The following NTRK1 variants were observed in gnomAD, a reference collection of about 807,000 sequenced individuals.
NTRK1 encodes the protein neurotrophic receptor tyrosine kinase 1, also known as high affinity nerve growth factor receptor.
A neutral mutation model predicts 86.8 loss-of-function variants in NTRK1; 62 were observed. That is an observed-to-expected ratio of 0.71 (90% confidence interval 0.58 to 0.88). NTRK1 has a LOEUF of 0.88. NTRK1 is among the 40% of genes least tolerant of loss of function. NTRK1 has a pLI of 0.00. For synonymous variants in NTRK1, 469 were observed against 456.6 expected (o/e 1.03, Z -0.35); for missense variants, 967 against 1,078.4 (o/e 0.90, Z 1.45).
rs550883400 is a variant in NTRK1 at position 156,819,421 on chromosome 1, CAT to C, written c.-64+3586_-64+3587del. 2.2e-3 allele frequency among the ~76,000 whole-genome samples: 336 copies of C among 152,162 alleles called. 3 individuals carry two copies. Among genetic ancestry groups the C allele is most frequent in the African/African-American group, 7.6e-3 (317 of 41,528 alleles). ...ATGATTGTGGTGTTGAGCATTTTTT[CAT>C]ATGTTTGTTGGCTGTTTGTATACTT... On this transcript the variant is annotated intron_variant, in intron 1 of 16. Coordinates refer to the NTRK1 transcript ENST00000392302.
chr1:156,818,971 C>G (rs1654109164), intron 1 of NTRK1, among the ~76,000 whole-genome samples: 1 of 152,116 alleles, frequency 6.6e-6, no homozygotes, highest in Non-Finnish European at 1.5e-5. Context: ...TTCACCACAT[C>G]CATGCCAACA....
chr1:156,827,909 T>C (rs1654365101), intron 1 of NTRK1, among the ~76,000 whole-genome samples: 1 of 152,192 alleles, frequency 6.6e-6, no homozygotes, highest in Admixed American at 6.5e-5. Flanking sequence ...CCTGGTAAAA[T>C]CATCCCTTGT....
intron 1 of NTRK1, among the ~76,000 whole-genome samples, chr1:156,827,200 G>T (rs939183410): frequency 1.3e-5 from 2 of 151,552 alleles, no homozygotes; most frequent in Admixed American, 6.6e-5. Flanking sequence ...CTCCACTTCA[G>T]CTTCCCAAAT....
In NTRK1 at chr1:156,854,131, G is replaced by A. The variant is rs771118104; in HGVS notation, c.51-10223G>A. On this transcript the variant is annotated intron_variant, in intron 2 of 16. Coordinates refer to the NTRK1 transcript ENST00000392302. This position sits in a 1 kb window ranked among gnomAD's most constrained non-coding sequence, Gnocchi z 4.2. ...GCAGGCTCTCCAGTCCGTAGACACG[G>A]AAGAGCAGCAGGTAGTCGGTGACCT... The A allele has an allele frequency of 1.2e-5, 20 of 1,614,068 alleles. No homozygotes were observed. The South Asian group carries it at 2.2e-4, about 18-fold the overall frequency.
At chr1:156,841,561 C>A (rs753787252) in intron 1 of NTRK1, 13 of 1,613,754 alleles carry the variant, frequency 8.1e-6, no homozygotes, top group Non-Finnish European at 1.1e-5. Context: ...GAGCCCAGCA[C>A]CCTTCGTGCT....
rs1558096029 is a variant in NTRK1 at position 156,861,165 on chromosome 1, G to C, written c.212+19G>C. The C allele has an allele frequency of 6.5e-7, 1 of 1,543,006 alleles. No individual in the cohort carries two copies. Among genetic ancestry groups the C allele is most frequent in the Admixed American group, 1.9e-5 (1 of 51,982 alleles). On this transcript the variant is annotated intron_variant, in intron 1 of 16. Transcript: ENST00000524377. ...CTGAGCTGTGAGTGTCCGGCGGGCG[G>C]TGGGGGGGCGCGGGGACAGGCAGGC...
rs908308037 is a variant in NTRK1 at position 156,854,760 on chromosome 1, T to C, written c.51-9594T>C. 3.3e-5 allele frequency among the ~76,000 whole-genome samples: 5 copies of C among 152,142 alleles called. No homozygotes were observed. The highest frequency in any genetic ancestry group is 1.2e-4 in the African/African-American group (5 of 41,438). On this transcript the variant is annotated intron_variant, in intron 2 of 16. Transcript: ENST00000392302. This position sits in a 1 kb window ranked among gnomAD's most constrained non-coding sequence, Gnocchi z 4.2. Reference sequence around the variant, plus strand: ...TCATCTTCCCCTGGATTGACAGTCATAGCCTCCCAAACTGTCTCCCCAGTT... The same window carrying C: ...TCATCTTCCCCTGGATTGACAGTCACAGCCTCCCAAACTGTCTCCCCAGTT...
At position 156,876,450 on chromosome 1, in the gene NTRK1, T is replaced by G; in HGVS notation, c.1683T>G (p.Ala561=). The G allele has an allele frequency of 6.2e-7, 1 of 1,613,886 alleles. No homozygotes were observed. The highest frequency in any genetic ancestry group is 8.5e-7 in the Non-Finnish European group (1 of 1,180,018). Residue 561 remains alanine (A), a synonymous_variant, in exon 14 of 17, where the codon GCT becomes GCG. Transcript: ENST00000524377. ...CTCGGCAGGACTTCCAGCGTGAGGC[T>G]GAGCTGCTCACCATGCTGCAGCACC... ...ESARQDFQRE[A]ELLTMLQHQH...
rs1429728283 is a variant in NTRK1 at position 156,861,060 on chromosome 1, C to T, written c.126C>T (p.Pro42=). 1.3e-6 allele frequency: 2 copies of T among 1,566,136 alleles called. No homozygotes were observed. The highest frequency in any genetic ancestry group is 2.3e-5 in the East Asian group (1 of 42,898). ...CACCCTGCCCCGATGCCTGCTGCCC[C>T]CACGGCTCCTCGGGACTGCGATGCA... ...GAAPCPDACC[P]HGSSGLRCTR... Residue 42 remains proline (P), a synonymous_variant, in exon 1 of 17, where the codon CCC becomes CCT. Coordinates refer to ENST00000524377, the MANE Select transcript of NTRK1 (RefSeq NM_002529.4).
intron 1 of NTRK1, among the ~76,000 whole-genome samples, chr1:156,828,111 C>G (rs1238612854): frequency 6.6e-6 from 1 of 152,104 alleles, no homozygotes; most frequent in Non-Finnish European, 1.5e-5. Flanking sequence ...CCACATCCAG[C>G]CTATAATATA....
At chr1:156,850,474 A>T (rs1655163399) in intron 2 of NTRK1, among the ~76,000 whole-genome samples, 1 of 150,768 alleles carries the variant, frequency 6.6e-6, no homozygotes, top group Non-Finnish European at 1.5e-5. Flanking sequence ...TGCCCTCCCA[A>T]AGTGCAGAGA....
rs1655308129 is a variant in NTRK1, at chr1:156,853,686, G to A, written c.51-10668G>A. On this transcript the variant is annotated intron_variant, in intron 2 of 16. Transcript: ENST00000392302. ...AAGTACTGACCCACACCATCCTGTG[G>A]CCACCCAGCCCCATGTGACCCTGCT... 10 of 1,483,514 alleles carry A rather than the reference G, an allele frequency of 6.7e-6. No homozygotes were observed. In the South Asian group the frequency reaches 1.1e-4, roughly 17 times the overall value. The allele number at this position is 1,483,514 out of a possible 1,614,324, so 91.9% of individuals were successfully genotyped here.
intron 1 of NTRK1, among the ~76,000 whole-genome samples, chr1:156,838,123 C>T (rs982608559): frequency 2.0e-5 from 3 of 152,094 alleles, no homozygotes; most frequent in East Asian, 1.9e-4. Flanking sequence ...CACTTGACTT[C>T]GGACCATTTC....
At chr1:156,872,418 G>A (rs1194762318) in intron 7 of NTRK1, among the ~76,000 whole-genome samples, 2 of 151,898 alleles carry the variant, frequency 1.3e-5, no homozygotes, top group Non-Finnish European at 1.5e-5. Flanking sequence ...GTATCATTTA[G>A]TTTTGCCTGT....
chr1:156,842,384 T>A (rs374031406), intron 2 of NTRK1: 3 of 1,613,044 alleles, frequency 1.9e-6, no homozygotes, highest in Non-Finnish European at 2.5e-6. Flanking sequence ...CCCCAGGGTC[T>A]TCCTGGTCCC....
In NTRK1 at chr1:156,864,313, G is replaced by A. The variant is rs1251341483; in HGVS notation, c.213-41G>A. ...AGTGGGTGGGCATGGGAACTCAAGTGTGGGCCTGAGCCCTGTGACTCCCAT... is the reference window on the plus strand; with the variant it reads ...AGTGGGTGGGCATGGGAACTCAAGTATGGGCCTGAGCCCTGTGACTCCCAT... On this transcript the variant is annotated intron_variant, in intron 1 of 16. Transcript: ENST00000524377. The A allele has an allele frequency of 2.5e-6, 4 of 1,606,354 alleles. No homozygotes were observed. The African/African-American group carries it at 5.4e-5, about 21-fold the overall frequency.
upstream of NTRK1, among the ~76,000 whole-genome samples, chr1:156,857,627 AG>A (rs1196790333): frequency 6.6e-6 from 1 of 152,128 alleles, no homozygotes; most frequent in Non-Finnish European, 1.5e-5. Flanking sequence ...ATCTGTGACT[AG>A]CACCCTTTAG....
chr1:156,822,878 G>A (rs551909398), intron 1 of NTRK1, among the ~76,000 whole-genome samples: 2 of 152,290 alleles, frequency 1.3e-5, no homozygotes, highest in South Asian at 4.1e-4. Flanking sequence ...GTCCCAGAGA[G>A]TCCCTGGGTA....
chr1:156,875,895 G>A lies in NTRK1; in HGVS notation c.1502-185G>A, dbSNP rs541387528. 123 of 1,115,598 alleles carry A rather than the reference G, an allele frequency of 1.1e-4. 2 individuals are homozygous for A. In the African/African-American group the frequency reaches 1.4e-3, roughly 13 times the overall value. The allele number at this position is 1,115,598 out of a possible 1,614,324, so 69.1% of individuals were successfully genotyped here. A position where few individuals can be genotyped will look rare whatever the true frequency, so the allele number is the denominator to read the frequency against. On this transcript the variant is annotated intron_variant, in intron 12 of 16. Transcript: ENST00000524377. Reference sequence around the variant, plus strand: ...CAGCTAGCCCAAACCATGTCCTCTCGGGGCAGGTGCAGCCCCACACTATGA... The same window carrying A: ...CAGCTAGCCCAAACCATGTCCTCTCAGGGCAGGTGCAGCCCCACACTATGA...
Sources: gnomAD v4.1 joint callset for allele counts (sites outside exome capture counted in the v4.1 genomes callset) on GRCh38, gnomAD v4.1.1 for gene constraint, Gnocchi (gnomAD v3.1) non-coding constraint, MANE v1.5 for transcripts, NCBI Gene and HGNC (gene_info 2026-07-23, HGNC 2026-07-21) for gene names.